The following CHGA variants were observed in gnomAD, a reference collection of about 807,000 sequenced individuals.
The protein encoded by CHGA is chromogranin-A.
A neutral mutation model predicts 54.4 loss-of-function variants in CHGA; 41 were observed. That is an observed-to-expected ratio of 0.75 (90% CI 0.59 to 0.98). The LOEUF is 0.98. Ranked by LOEUF, CHGA falls within the 50% of genes least tolerant of loss-of-function variation. CHGA has a pLI of 0.00. For missense variants in CHGA, 576 were observed against 582.3 expected, an observed-to-expected ratio of 0.99 and a Z score of 0.11; for synonymous variants, 249 against 232.8, an observed-to-expected ratio of 1.07 and a Z score of -0.63.
At chr14:92,928,606 C>T (rs115393285) in intron 4 of CHGA, among the ~76,000 whole-genome samples, 2,431 of 152,220 alleles carry the variant, frequency 0.016, 63 homozygotes, top group African/African-American at 0.055. Flanking sequence ...TATTTTATTA[C>T]AATTGATAAC....
At chr14:92,923,831 C>T (rs1352931706) in intron 1 of CHGA, among the ~76,000 whole-genome samples, 3 of 152,064 alleles carry the variant, frequency 2.0e-5, no homozygotes, top group African/African-American at 4.8e-5. Flanking sequence ...CCTCACAATC[C>T]CCTTCCTCCA....
At position 92,927,573 on chromosome 14, in the gene CHGA, A is replaced by T. The variant is rs751448048; in HGVS notation, c.211A>T (p.Arg71Ter). Residue 71 changes from arginine to a stop codon, truncating the protein, a stop_gained, in exon 4 of 8, where the codon AGA becomes TGA. Coordinates refer to ENST00000216492, the MANE Select transcript of CHGA (RefSeq NM_001275.4). LOFTEE classifies it high-confidence loss of function. ...AGATGAACGGATCCTTTCCATTCTG[A>T]GACATCAGAATTTACTGAAGGAGCT... The part of the protein sequence containing the change: ...RGDERILSIL[R>*]HQNLLKELQD... 6.2e-7 allele frequency: 1 copy of T among 1,613,576 alleles called. No homozygotes were observed. Among genetic ancestry groups the T allele is most frequent in the Non-Finnish European group, 8.5e-7 (1 of 1,179,908 alleles).
chr14:92,929,645 G>A, intron 4 of CHGA, 72 bp from the exon 5 acceptor site: 1 of 1,333,586 alleles, frequency 7.5e-7, no homozygotes, highest in Non-Finnish European at 1.1e-6. Flanking sequence ...GGGAAATGGA[G>A]GTCTTCACTC....
chr14:92,923,667 C>T (rs1023789030), intron 1 of CHGA, among the ~76,000 whole-genome samples: 1 of 152,210 alleles, frequency 6.6e-6, no homozygotes, highest in Non-Finnish European at 1.5e-5. Flanking sequence ...CTTGGCGCCT[C>T]GGTTGCATCA....
intron 1 of CHGA, among the ~76,000 whole-genome samples, chr14:92,923,947 C>T (rs770970933): frequency 7.9e-5 from 12 of 152,228 alleles, no homozygotes; most frequent in Non-Finnish European, 1.5e-4. Context: ...CTCCCCGCTC[C>T]AAAGCACACC....
Position 92,932,729 on chromosome 14 carries a change from C to G in CHGA, c.1168C>G (p.Leu390Val), listed in dbSNP as rs1221854106. The change falls in exon 7 of 8, where the codon CTG becomes GTG. Residue 390 changes from leucine to valine, a missense_variant. Leu to Val is a conservative substitution (Grantham distance 32, BLOSUM62 1). Coordinates refer to ENST00000216492, the MANE Select transcript of CHGA (RefSeq NM_001275.4). This position sits in a 1 kb window ranked among gnomAD's most constrained non-coding sequence, Gnocchi z 5.3. Reference sequence around the variant, plus strand: ...CGGCTTCAGGGGCCCTGGGCCGCAGCTGCGACGAGGCTGGAGGCCATCCTC... The same window carrying G: ...CGGCTTCAGGGGCCCTGGGCCGCAGGTGCGACGAGGCTGGAGGCCATCCTC... ...AYGFRGPGPQ[L>V]RRGWRPSSRE... 11 of 1,610,708 alleles carry G rather than the reference C, an allele frequency of 6.8e-6. No individual in the cohort carries two copies. Among genetic ancestry groups the G allele is most frequent in the Non-Finnish European group, 9.3e-6 (11 of 1,179,338 alleles).
At chr14:92,931,735 G>A in intron 6 of CHGA, 33 bp downstream of exon 6, 1 of 1,528,098 alleles carries the variant, frequency 6.5e-7, no homozygotes, top group Non-Finnish European at 8.8e-7. Context: ...CAACGAACGT[G>A]TCTGGGAGAG....
intron 2 of CHGA, chr14:92,926,235 T>G: frequency 4.1e-6 from 1 of 242,604 alleles, no homozygotes. Flanking sequence ...TCAGAGCACT[T>G]TTGTAAGACA....
At chr14:92,929,908 G>C (rs770654914) in intron 5 of CHGA, 93 bp downstream of exon 5, 13 of 932,880 alleles carry the variant, frequency 1.4e-5, no homozygotes, top group Non-Finnish European at 2.2e-5. Flanking sequence ...TGAGTCGGGA[G>C]CCCCACCCAT....
Position 92,932,108 on chromosome 14 carries a change from G to T in CHGA, c.809-262G>T, listed in dbSNP as rs973835791. On this transcript the variant is annotated intron_variant, in intron 6 of 7. Coordinates refer to ENST00000216492, the MANE Select transcript of CHGA (RefSeq NM_001275.4). This position sits in a 1 kb window ranked among gnomAD's most constrained non-coding sequence, Gnocchi z 5.3. Reference sequence around the variant, plus strand: ...AGGAGAGGCCCTGGCTCCCGCTGCGGGCCTGTCAGGGTCTTTCCTCACTCT... The same window carrying T: ...AGGAGAGGCCCTGGCTCCCGCTGCGTGCCTGTCAGGGTCTTTCCTCACTCT... 13 of 473,894 alleles carry T rather than the reference G, an allele frequency of 2.7e-5. No homozygotes were observed. Among genetic ancestry groups the T allele is most frequent in the Non-Finnish European group, 4.9e-5 (13 of 266,994 alleles). 29.4% of individuals were successfully genotyped at this position (473,894 alleles called of 1,614,324 possible).
intron 2 of CHGA, 21 bp downstream of exon 2, chr14:92,924,266 T>G (rs1338078053): frequency 6.8e-6 from 11 of 1,609,254 alleles, no homozygotes; most frequent in Non-Finnish European, 8.5e-6. Flanking sequence ...GTGCTGGGGA[T>G]GAGGGGTAGG....
In CHGA at chr14:92,923,328, A is replaced by C. The variant is rs1367273387; in HGVS notation, c.-32A>C. On this transcript the variant is annotated 5_prime_UTR_variant, in exon 1 of 8. Transcript: ENST00000216492. ...GCCCGGTGCCTAGGTGCCCGGCCCC[A>C]CACCGCCAGCTGCTCGGCGCCCGGG... 7.6e-7 allele frequency: 1 copy of C among 1,322,942 alleles called. No homozygotes were observed. Among genetic ancestry groups the C allele is most frequent in the Non-Finnish European group, 9.6e-7 (1 of 1,038,930 alleles). 82.0% of individuals were successfully genotyped at this position (1,322,942 alleles called of 1,614,324 possible). A position where few individuals can be genotyped will look rare whatever the true frequency, so the allele number is the denominator to read the frequency against.
intron 7 of CHGA, chr14:92,933,062 A>C: frequency 1.6e-6 from 1 of 635,916 alleles, no homozygotes; most frequent in Non-Finnish European, 2.5e-6. Flanking sequence ...AGATGGGAGG[A>C]GCTCAGGTCA....
intron 4 of CHGA, among the ~76,000 whole-genome samples, chr14:92,929,341 AGGTCCT>A: frequency 6.9e-6 from 1 of 143,944 alleles, no homozygotes; most frequent in African/African-American, 2.9e-5. Flanking sequence ...CTGCCCAGCC[AGGTCCT>A]GAGGGGTTCC....
At chr14:92,934,175 G>T (rs1887069785) in intron 7 of CHGA, among the ~76,000 whole-genome samples, 1 of 152,214 alleles carries the variant, frequency 6.6e-6, no homozygotes, top group Non-Finnish European at 1.5e-5. Context: ...TCTTGTGGGT[G>T]TCCAAGTTCT....
chr14:92,927,851 A>T (rs951208100), intron 4 of CHGA, among the ~76,000 whole-genome samples: 6 of 152,240 alleles, frequency 3.9e-5, no homozygotes, highest in African/African-American at 1.4e-4. Flanking sequence ...GAATAGAGAC[A>T]TGCCAGGTGC....
intron 3 of CHGA, 59 bp downstream of exon 3, chr14:92,926,757 T>C (rs9658649): frequency 0.01 from 14,569 of 1,394,382 alleles, 94 homozygotes; most frequent in Non-Finnish European, 0.013. Context: ...GGCTAGGACA[T>C]GGGTGTGTGG....
rs957898887 is a variant in CHGA, at chr14:92,932,960, G to A, written c.1290+109G>A. 127 of 1,411,620 alleles carry A rather than the reference G, an allele frequency of 9.0e-5. No individual in the cohort carries two copies. The highest frequency in any genetic ancestry group is 2.3e-5 in the Non-Finnish European group (25 of 1,072,158). The allele number at this position is 1,411,620 out of a possible 1,614,324, so 87.4% of individuals were successfully genotyped here. Reference sequence around the variant, plus strand: ...ACTGAGGGGACAGGGCCCCCCCGCCGAAGTCTGGGGATGGAGAGATGCTCA... The same window carrying A: ...ACTGAGGGGACAGGGCCCCCCCGCCAAAGTCTGGGGATGGAGAGATGCTCA... On this transcript the variant is annotated intron_variant, in intron 7 of 7. Coordinates refer to ENST00000216492, the MANE Select transcript of CHGA (RefSeq NM_001275.4). The surrounding 1 kb of genome is among the most constrained non-coding windows in gnomAD (Gnocchi z 5.3).
chr14:92,927,658 A>G (rs771129241), intron 4 of CHGA, 40 bp downstream of exon 4: 11 of 1,479,370 alleles, frequency 7.4e-6, no homozygotes, highest in Non-Finnish European at 9.4e-6. Flanking sequence ...GGTAAATTCC[A>G]GTAACTGAGA....
Sources: allele counts gnomAD v4.1 joint callset (sites outside exome capture counted in the v4.1 genomes callset), GRCh38; gene constraint gnomAD v4.1.1; non-coding constraint Gnocchi (gnomAD v3.1); transcripts MANE v1.5; gene names NCBI Gene and HGNC (gene_info 2026-07-23, HGNC 2026-07-21).